The following MORN1 variants were observed in gnomAD, a reference collection of about 807,000 sequenced individuals.
MORN1 encodes the protein MORN repeat-containing protein 1.
Under a neutral mutation model 61.9 loss-of-function variants are expected in MORN1, and 67 were observed. The ratio of observed to expected loss-of-function variants is 1.08; its 90% CI spans 0.89 to 1.33. The LOEUF is 1.33. Among genes scored for constraint, MORN1 ranks in the 40% most tolerant of loss-of-function variants. The pLI is 0.00. For missense variants in MORN1, 752 were observed against 691.2 expected (o/e 1.09, Z -0.99); for synonymous variants, 301 against 292.0 (o/e 1.03, Z -0.31).
At chr1:2,335,933 C>T (rs1437911559) in intron 12 of MORN1, among the ~76,000 whole-genome samples, 5 of 151,480 alleles carry the variant, frequency 3.3e-5, no homozygotes, top group African/African-American at 1.2e-4. Flanking sequence ...CAGCTTCCTC[C>T]TGGTAGAACC....
intron 10 of MORN1, among the ~76,000 whole-genome samples, chr1:2,345,230 G>A (rs1342411586): frequency 6.6e-6 from 1 of 152,258 alleles, no homozygotes. Context: ...TCCCCAGGCT[G>A]CCACACTCAG....
Position 2,372,868 on chromosome 1 carries a change from C to G in MORN1, c.635-277G>C, listed in dbSNP as rs567263497. On this transcript the variant is annotated intron_variant, in intron 7 of 13. Coordinates refer to ENST00000378531, the MANE Select transcript of MORN1 (RefSeq NM_024848.3). The surrounding 1 kb of genome is among the most constrained non-coding windows in gnomAD (Gnocchi z 5.4). ...GGGGCCACGGAGCATGCAAGAGACA[C>G]AAGTGGGCGGTGTGGGGCTGTTGGG... is the stretch of plus-strand genomic sequence containing the variant. Among the ~76,000 whole-genome samples the G allele has an allele frequency of 1.3e-5, 2 of 152,368 alleles. No homozygotes were observed. The highest frequency in any genetic ancestry group is 4.1e-4 in the South Asian group (2 of 4,830).
intron 6 of MORN1, among the ~76,000 whole-genome samples, chr1:2,381,598 G>C (rs2100359638): frequency 6.6e-6 from 1 of 152,308 alleles, no homozygotes; most frequent in East Asian, 1.9e-4. Context: ...GGAGTGGGGA[G>C]GTCATGTTAT....
chr1:2,341,786 ACACCTT>A (rs1396347978), intron 10 of MORN1, among the ~76,000 whole-genome samples: 3 of 152,134 alleles, frequency 2.0e-5, no homozygotes, highest in African/African-American at 4.8e-5. Context: ...AGGTGCAGAG[ACACCTT>A]CGGACAGCGC....
rs377347349 is a variant in MORN1, at chr1:2,321,493, C to T, written c.1384G>A (p.Val462Ile). 6.0e-5 allele frequency: 92 copies of T among 1,527,946 alleles called. No individual in the cohort carries two copies. Among genetic ancestry groups the T allele is most frequent in the African/African-American group, 6.9e-5 (5 of 72,324 alleles). 94.6% of individuals were successfully genotyped at this position (1,527,946 alleles called of 1,614,324 possible). Residue 462 changes from valine (V) to isoleucine (I), a missense_variant, in exon 14 of 14, where the codon GTA (valine) becomes ATA (isoleucine). Transcript: ENST00000378531. ...GGTGGCTGGCCAGCCCTCTTCGCTA[C>T]GACCCGCAGGTGTTTGAAGGCCGGG... ...LPPAFKHLRV[V>I]AKRAGQPPHV...
At position 2,355,504 on chromosome 1, in the gene MORN1, T is replaced by C; in HGVS notation, c.1036+1928A>G. ...CCCCGAGGCTCTGAGGCTCTGGGGC[T>C]TCTAGCCACCAGCTGGGTGAGGTTT... On this transcript the variant is annotated intron_variant, in intron 10 of 13. Coordinates refer to ENST00000378531, the MANE Select transcript of MORN1 (RefSeq NM_024848.3). 2 of 1,548,806 alleles carry C rather than the reference T, an allele frequency of 1.3e-6. 1 individual carries two copies. The highest frequency in any genetic ancestry group is 3.3e-4 in the Middle Eastern group (2 of 5,974).
rs181793823 is a variant in MORN1 at position 2,357,510 on chromosome 1, C to T, written c.958G>A (p.Val320Met). The change falls in exon 10 of 14, where the codon GTG becomes ATG. Residue 320 changes from valine to methionine, a missense_variant. By Grantham distance (21) the Val-to-Met change is conservative (BLOSUM62 1). Transcript: ENST00000378531. This position sits in a 1 kb window ranked among gnomAD's most constrained non-coding sequence, Gnocchi z 6.3. ...TCCAGGTCTCCCCTGGGCAGGGGCA[C>T]GTCGGCTTCTGCCCCTCCCTTGGCA... ...RAAKGGAEAD[V>M]PLPRGDLELH... 158 of 1,612,776 alleles carry T rather than the reference C, an allele frequency of 9.8e-5. 1 individual carries two copies. The East Asian group carries it at 1.6e-3, about 17-fold the overall frequency.
At chr1:2,370,085 C>A (rs533062693) in intron 8 of MORN1, among the ~76,000 whole-genome samples, 14 of 152,320 alleles carry the variant, frequency 9.2e-5, no homozygotes, top group East Asian at 3.9e-4. Context: ...AATTGGAAAA[C>A]GTGCTAAAAG....
intron 2 of MORN1, among the ~76,000 whole-genome samples, chr1:2,389,076 C>T (rs576852712): frequency 4.0e-5 from 6 of 148,592 alleles, no homozygotes; most frequent in Admixed American, 2.7e-4. Context: ...GGCAGCATTG[C>T]ACTCCAGCCT....
chr1:2,342,840 ATATTTTATTTTATTTTATTTTATTTTATT>A (rs1641423996), intron 10 of MORN1, among the ~76,000 whole-genome samples: 2 of 102,000 alleles, frequency 2.0e-5, no homozygotes, highest in Admixed American at 9.8e-5. Flanking sequence ...ATTTTATTTT[ATATTTTATTTTATTTTATTTTATTTTATT>A]TATTTTATTT....
Position 2,385,775 on chromosome 1 carries a change from C to T in MORN1, c.449+32G>A, listed in dbSNP as rs754876598. The T allele has an allele frequency of 1.2e-5, 19 of 1,591,610 alleles. No individual in the cohort carries two copies. In the African/African-American group the frequency reaches 1.5e-4, roughly 12 times the overall value. On this transcript the variant is annotated intron_variant, in intron 5 of 13. Transcript: ENST00000378531. ...ACACCTGCCCTGTGTATCTGTCATG[C>T]GCCAGGCAGTACCCACAAGACTCAT...
At chr1:2,373,135 CT>C (rs1642158849) in intron 7 of MORN1, among the ~76,000 whole-genome samples, 1 of 152,258 alleles carries the variant, frequency 6.6e-6, no homozygotes, top group South Asian at 2.1e-4. Flanking sequence ...CCCACCGCCC[CT>C]GCCCCCACCT....
intron 12 of MORN1, among the ~76,000 whole-genome samples, chr1:2,327,699 G>A (rs1038645658): frequency 2.0e-5 from 3 of 152,242 alleles, no homozygotes; most frequent in African/African-American, 7.2e-5. Context: ...ACAGGGGGAG[G>A]GCCACGAGGA....
intron 6 of MORN1, among the ~76,000 whole-genome samples, chr1:2,383,405 A>G (rs1642415754): frequency 6.6e-6 from 1 of 152,104 alleles, no homozygotes; most frequent in South Asian, 2.1e-4. Context: ...CTGGGCTGGC[A>G]GCCACACCCT....
chr1:2,342,271 CCAGGCAG>C (rs1371339867), intron 10 of MORN1, among the ~76,000 whole-genome samples: 3 of 152,194 alleles, frequency 2.0e-5, no homozygotes, highest in Non-Finnish European at 4.4e-5. Context: ...GTGTAGGGCA[CCAGGCAG>C]CAGGCAGGGA....
chr1:2,385,763 G>A, intron 5 of MORN1, 44 bp downstream of exon 5: 2 of 1,565,144 alleles, frequency 1.3e-6, no homozygotes, highest in South Asian at 1.1e-5. Context: ...CCTGCCCTGT[G>A]TATCTGTCAT....
At chr1:2,328,606 G>GC (rs1400835499) in intron 12 of MORN1, among the ~76,000 whole-genome samples, 5 of 152,228 alleles carry the variant, frequency 3.3e-5, no homozygotes, top group Non-Finnish European at 5.9e-5. Context: ...GCTTTCTGCA[G>GC]CCCCGGGAGC....
intron 10 of MORN1, among the ~76,000 whole-genome samples, chr1:2,347,018 T>C (rs946395087): frequency 6.6e-6 from 1 of 152,114 alleles, no homozygotes; most frequent in Non-Finnish European, 1.5e-5. Context: ...TCTTGGGAGA[T>C]AGGGAGCTTC....
rs141051661 is a variant in MORN1 at position 2,356,149 on chromosome 1, C to T, written c.1036+1283G>A. Among the ~76,000 whole-genome samples, 62 of 152,248 alleles carry T rather than the reference C, an allele frequency of 4.1e-4. No individual in the cohort carries two copies. The East Asian group carries it at 5.0e-3, about 12-fold the overall frequency. ...GAGGCCTTGGCACTTGGGGAGGCGG[C>T]GCGACGGCCGCCTGGTGGTGCCATC... is the stretch of plus-strand genomic sequence containing the variant. On this transcript the variant is annotated intron_variant, in intron 10 of 13. Coordinates refer to ENST00000378531, the MANE Select transcript of MORN1 (RefSeq NM_024848.3).
Sources: gnomAD v4.1 joint callset for allele counts (sites outside exome capture counted in the v4.1 genomes callset) on GRCh38, gnomAD v4.1.1 for gene constraint, Gnocchi (gnomAD v3.1) non-coding constraint, MANE v1.5 for transcripts, NCBI Gene and HGNC (gene_info 2026-07-23, HGNC 2026-07-21) for gene names.